Variants in PCCA observed in about 807,000 individuals in gnomAD.
PCCA encodes propionyl-CoA carboxylase subunit alpha.
PCCA carries 74 observed loss-of-function variants against 101.3 expected under a neutral mutation model. The ratio of observed to expected loss-of-function variants is 0.73; its 90% confidence interval spans 0.61 to 0.89. The LOEUF is 0.89. Ranked by LOEUF, PCCA falls within the 40% of genes least tolerant of loss-of-function variation. The pLI, the probability that PCCA is intolerant of heterozygous loss-of-function variation, is 0.00. For missense variants in PCCA, 891 were observed against 907.0 expected, an observed-to-expected ratio of 0.98 and a Z score of 0.23; for synonymous variants, 294 against 313.6, an observed-to-expected ratio of 0.94 and a Z score of 0.66.
chr13:100,498,674 G>A (rs2085450922), intron 21 of PCCA, among the ~76,000 whole-genome samples: 1 of 151,922 alleles, frequency 6.6e-6, no homozygotes, highest in Non-Finnish European at 1.5e-5. Flanking sequence ...ACCTCCCCCA[G>A]CAACCCCTAG....
intron 6 of PCCA, among the ~76,000 whole-genome samples, chr13:100,186,475 G>A (rs569706345): frequency 1.3e-5 from 2 of 152,186 alleles, no homozygotes; most frequent in South Asian, 4.2e-4. Context: ...GGGCGTGGTG[G>A]CTCATGCCTG....
In PCCA at chr13:100,441,174, T is replaced by A. The variant is rs1163198700; in HGVS notation, c.1846-8078T>A. ...ACATACAAGCTTTTCTCCTCTTCTG[T>A]TAACTAGAAAATTATATTTTCGTTG... is the stretch of plus-strand genomic sequence containing the variant. On this transcript the variant is annotated intron_variant, in intron 20 of 23. Transcript: ENST00000376285. Among the ~76,000 whole-genome samples, 4 of 152,192 alleles carry A rather than the reference T, an allele frequency of 2.6e-5. No homozygotes were observed. The East Asian group carries it at 7.7e-4, about 29-fold the overall frequency.
intron 6 of PCCA, among the ~76,000 whole-genome samples, chr13:100,193,050 T>C (rs953487521): frequency 6.6e-6 from 1 of 152,128 alleles, no homozygotes; most frequent in Non-Finnish European, 1.5e-5. Flanking sequence ...GAGTAATAGA[T>C]GTGTTCAAGG....
At chr13:100,494,304 A>G (rs568714226) in intron 21 of PCCA, among the ~76,000 whole-genome samples, 3 of 152,342 alleles carry the variant, frequency 2.0e-5, no homozygotes, top group African/African-American at 7.2e-5. Context: ...TAACAAGAAC[A>G]TTGTCCCTTG....
chr13:100,125,135 T>TTGTGTGTGTGTG (rs3034643), intron 4 of PCCA, among the ~76,000 whole-genome samples: 12,084 of 149,158 alleles, frequency 0.081, 1,523 homozygotes, highest in African/African-American at 0.28. Context: ...GACCTTTTAT[T>TTGTGTGTGTGTG]TGTGTGTGTG....
At chr13:100,140,452 A>C (rs1162321180) in intron 4 of PCCA, among the ~76,000 whole-genome samples, 1 of 152,194 alleles carries the variant, frequency 6.6e-6, no homozygotes, top group Non-Finnish European at 1.5e-5. Context: ...AGATTTCCAT[A>C]ATGTTGTAAG....
intron 21 of PCCA, among the ~76,000 whole-genome samples, chr13:100,489,081 G>A (rs962647449): frequency 1.2e-4 from 18 of 152,180 alleles, no homozygotes; most frequent in East Asian, 1.9e-4. Context: ...CGAGGCAGGC[G>A]GATCACCAGG....
At chr13:100,266,282 A>C (rs1036269531) in intron 10 of PCCA, among the ~76,000 whole-genome samples, 6 of 152,212 alleles carry the variant, frequency 3.9e-5, no homozygotes, top group African/African-American at 1.4e-4. Flanking sequence ...CATTACTAAT[A>C]CTCAATAAAT....
At chr13:100,516,149 A>G (rs914912632) in intron 22 of PCCA, among the ~76,000 whole-genome samples, 2 of 152,254 alleles carry the variant, frequency 1.3e-5, no homozygotes, top group African/African-American at 4.8e-5. Flanking sequence ...ATGAATTGAT[A>G]GGATGCACAC....
chr13:100,512,752 C>T (rs2086575812), intron 21 of PCCA, among the ~76,000 whole-genome samples: 1 of 152,202 alleles, frequency 6.6e-6, no homozygotes, highest in Non-Finnish European at 1.5e-5. Context: ...CCTCAAACAT[C>T]AACTTTGTGA....
chr13:100,341,348 T>C (rs2071277782), intron 18 of PCCA, among the ~76,000 whole-genome samples: 1 of 152,210 alleles, frequency 6.6e-6, no homozygotes, highest in Non-Finnish European at 1.5e-5. Context: ...TGTTGTCTTA[T>C]TTGAATGGTC....
chr13:100,505,300 G>A (rs530118469), intron 21 of PCCA, among the ~76,000 whole-genome samples: 3 of 152,260 alleles, frequency 2.0e-5, no homozygotes, highest in South Asian at 4.2e-4. Flanking sequence ...AGATATGCTC[G>A]ATAAATGGTT....
intron 17 of PCCA, among the ~76,000 whole-genome samples, chr13:100,333,036 A>G (rs1471029892): frequency 6.6e-6 from 1 of 152,238 alleles, no homozygotes; most frequent in East Asian, 1.9e-4. Flanking sequence ...CAATCAGGGT[A>G]TGCTACATGT....
intron 1 of PCCA, among the ~76,000 whole-genome samples, chr13:100,099,861 T>G (rs531336865): frequency 6.6e-6 from 1 of 152,232 alleles, no homozygotes; most frequent in African/African-American, 2.4e-5. Context: ...TTATCCCCAG[T>G]GTACAAATGA....
At chr13:100,467,747 C>T (rs2082649691) in intron 21 of PCCA, among the ~76,000 whole-genome samples, 1 of 152,224 alleles carries the variant, frequency 6.6e-6, no homozygotes. Flanking sequence ...GTTTTCCCTA[C>T]ATCTGCAGTT....
intron 1 of PCCA, among the ~76,000 whole-genome samples, chr13:100,101,568 T>C (rs2152245370): frequency 6.6e-6 from 1 of 152,262 alleles, no homozygotes; most frequent in South Asian, 2.1e-4. Context: ...CCTCCACTTT[T>C]ATACAGAGAT....
Position 100,209,363 on chromosome 13 carries a change from A to AC in PCCA, c.501dup (p.Thr168HisfsTer12), listed in dbSNP as rs1345984558. On this transcript the variant is annotated frameshift_variant, in exon 7 of 24. Coordinates refer to ENST00000376285, the MANE Select transcript of PCCA (RefSeq NM_000282.4). LOFTEE classifies it high-confidence loss of function. ...GAAGATGTCGTTTTCATTGGACCTG[A>AC]CACACATGCTATTCAAGCCATGGGC... 6.2e-7 allele frequency: 1 copy of AC among 1,613,424 alleles called. No homozygotes were observed. Among genetic ancestry groups the AC allele is most frequent in the Admixed American group, 1.7e-5 (1 of 60,004 alleles).
Position 100,120,067 on chromosome 13 carries a change from T to G in PCCA, c.300+8006T>G, listed in dbSNP as rs2049219351. On this transcript the variant is annotated intron_variant, in intron 4 of 23. Coordinates refer to ENST00000376285, the MANE Select transcript of PCCA (RefSeq NM_000282.4). ...CAGTAGAGACAGGGTTTCACCATGT[T>G]GGCCAGGCTGGTCTCGAACTCCTGA... is the stretch of plus-strand genomic sequence containing the variant. 2.0e-5 allele frequency among the ~76,000 whole-genome samples: 3 copies of G among 152,050 alleles called. No homozygotes were observed. The South Asian group carries it at 6.3e-4, about 32-fold the overall frequency.
intron 6 of PCCA, among the ~76,000 whole-genome samples, chr13:100,171,765 G>T (rs1170422281): frequency 6.6e-6 from 1 of 151,968 alleles, no homozygotes; most frequent in Non-Finnish European, 1.5e-5. Flanking sequence ...GGGCGCGGTG[G>T]CTCACGCCTG....
Sources: gnomAD v4.1 joint callset for allele counts (sites outside exome capture counted in the v4.1 genomes callset) on GRCh38, gnomAD v4.1.1 for gene constraint, MANE v1.5 for transcripts, NCBI Gene and HGNC (gene_info 2026-07-23, HGNC 2026-07-21) for gene names.